The following OGT variants were observed in gnomAD, a reference collection of about 807,000 sequenced individuals.
The protein encoded by OGT is O-linked N-acetylglucosamine (GlcNAc) transferase.
In OGT, 3 loss-of-function variants were observed where a neutral mutation model predicts 75.8. The observed-to-expected ratio is 0.04, with a 90% CI of 0.02 to 0.10. The LOEUF (loss-of-function observed/expected upper bound fraction) is 0.10, where lower values mean the gene tolerates loss of function less well. Among genes scored for constraint, OGT ranks in the 10% least tolerant of loss-of-function variants. The pLI is 1.00. For synonymous variants in OGT, 257 were observed against 289.7 expected, an observed-to-expected ratio of 0.89 and a Z score of 1.15; for missense variants, 260 against 824.4, an observed-to-expected ratio of 0.32 and a Z score of 8.38.
chrX:71,570,706 G>A (rs2040452090), intron 21 of OGT, among the ~76,000 whole-genome samples: 1 of 108,295 alleles, frequency 9.2e-6, no homozygotes, highest in Admixed American at 1.0e-4. Flanking sequence ...CATCACATAC[G>A]TCTAAGAAAA....
chrX:71,567,824 G>C, intron 20 of OGT, 72 bp downstream of exon 20: 2 of 1,115,306 alleles, frequency 1.8e-6, no homozygotes, highest in Non-Finnish European at 1.2e-6. Flanking sequence ...GAAACTTCCA[G>C]GTGAAATTAT....
rs183333074 is a variant in OGT, at chrX:71,547,366, G to A, written c.532-541G>A. The stretch of plus-strand genomic sequence containing the variant: ...GAGTTCCATGGTCAACTAAGTTCAG[G>A]GAACCCTGTTACACTATTAAAGGCT... On this transcript the variant is annotated intron_variant, in intron 4 of 21. Transcript: ENST00000373719. 2.0e-3 allele frequency: 1,369 copies of A among 690,417 alleles called. 1 individual carries two copies. Among genetic ancestry groups the A allele is most frequent in the Non-Finnish European group, 2.2e-3 (1,254 of 582,311 alleles). 56.9% of individuals were successfully genotyped at this position (690,417 alleles called of 1,213,427 possible).
At chrX:71,559,853 G>A (rs2040369868) in intron 14 of OGT, among the ~76,000 whole-genome samples, 176 bp downstream of exon 14, 1 of 112,279 alleles carries the variant, frequency 8.9e-6, no homozygotes, top group African/African-American at 3.2e-5. Context: ...TTCCGAGGTT[G>A]CAAATGAAAC....
At chrX:71,537,541 G>A (rs1228307213) in intron 2 of OGT, among the ~76,000 whole-genome samples, 2 of 111,808 alleles carry the variant, frequency 1.8e-5, no homozygotes, top group Non-Finnish European at 3.8e-5. Flanking sequence ...GACCTCAGGT[G>A]ATCCTCCCGC....
At chrX:71,566,322 A>G (rs991452087) in intron 19 of OGT, among the ~76,000 whole-genome samples, 2 of 112,167 alleles carry the variant, frequency 1.8e-5, no homozygotes, top group Non-Finnish European at 3.8e-5. Context: ...GTCCGTTTTC[A>G]TGCTGCTATA....
intron 14 of OGT, among the ~76,000 whole-genome samples, chrX:71,560,439 T>G (rs1030855051): frequency 1.8e-5 from 2 of 110,920 alleles, no homozygotes; most frequent in African/African-American, 6.6e-5. Flanking sequence ...GGGAATTAAT[T>G]TGCTGAGTAT....
intron 5 of OGT, among the ~76,000 whole-genome samples, chrX:71,552,954 C>A (rs1258517659): frequency 1.8e-5 from 2 of 111,500 alleles, no homozygotes; most frequent in African/African-American, 6.5e-5. Context: ...TGTTCCTCTG[C>A]TTTTGTATAT....
chrX:71,547,051 C>A (rs1056715518), intron 4 of OGT: 1 of 753,459 alleles, frequency 1.3e-6, no homozygotes, highest in Non-Finnish European at 1.6e-6. Flanking sequence ...CAGTTCGCAG[C>A]GATTGCGCAG....
intron 4 of OGT, chrX:71,547,301 T>A: frequency 1.3e-6 from 1 of 743,827 alleles, no homozygotes; most frequent in Non-Finnish European, 1.6e-6. Flanking sequence ...TTTCCCAAAA[T>A]GTGTTTCATA....
chrX:71,564,688 A>G lies in OGT; in HGVS notation c.2524A>G (p.Ile842Val), dbSNP rs773129852. Residue 842 changes from isoleucine to valine, a missense_variant, in exon 19 of 22, where the codon ATC becomes GTC. Ile to Val is a conservative substitution (Grantham distance 29). This residue lies in a region of OGT where 79 missense variants were observed against 141.0 expected (regional missense o/e 0.56). Coordinates refer to ENST00000373719, the MANE Select transcript of OGT (RefSeq NM_181672.3). ...RSQYGLPEDA[I>V]VYCNFNQLYK... ...TCAGTACGGGTTACCAGAAGATGCCATCGTATACTGTAACTTTAATCAGTT... is the reference window on the plus strand; with the variant it reads ...TCAGTACGGGTTACCAGAAGATGCCGTCGTATACTGTAACTTTAATCAGTT... 1.7e-6 allele frequency: 2 copies of G among 1,203,529 alleles called. No individual in the cohort carries two copies. The highest frequency in any genetic ancestry group is 1.8e-5 in the South Asian group (1 of 56,595).
chrX:71,550,990 G>T (rs1175628431), intron 5 of OGT, among the ~76,000 whole-genome samples: 1 of 111,280 alleles, frequency 9.0e-6, no homozygotes, highest in East Asian at 2.8e-4. Context: ...ACTGCATGGT[G>T]ACCACAGTTG....
At chrX:71,554,271 C>T (rs1021074922) in intron 5 of OGT, among the ~76,000 whole-genome samples, 14 of 111,510 alleles carry the variant, frequency 1.3e-4, no homozygotes, top group African/African-American at 4.6e-4. Context: ...GGAGCAGGCC[C>T]AATATTTAAT....
At chrX:71,543,732 A>AGG (rs1479860250) in intron 3 of OGT, among the ~76,000 whole-genome samples, 3 of 80,191 alleles carry the variant, frequency 3.7e-5, no homozygotes, top group East Asian at 5.7e-4. Flanking sequence ...CAAATATTTG[A>AGG]GATGTGTGTG....
At chrX:71,547,809 C>CA in intron 4 of OGT, 98 bp from the exon 5 acceptor site, 5 of 589,946 alleles carry the variant, frequency 8.5e-6, no homozygotes, top group South Asian at 2.7e-5. Context: ...TCACCTTCTT[C>CA]CCCCCCTCCC....
Position 71,558,765 on chromosome X carries a change from C to CT in OGT, c.1603-476dup, listed in dbSNP as rs397895020. Among the ~76,000 whole-genome samples, 280 of 61,473 alleles carry CT rather than the reference C, an allele frequency of 4.6e-3. 15 individuals are homozygous for CT. Among genetic ancestry groups the CT allele is most frequent in the Middle Eastern group, 9.1e-3 (1 of 110 alleles). 53.4% of individuals were successfully genotyped at this position (61,473 alleles called of 115,157 possible). A position where few individuals can be genotyped will look rare whatever the true frequency, so the allele number is the denominator to read the frequency against. ...CCTACAAGTGTTAGATTTGCTCGTA[C>CT]TTTTTTTTTTTTTTTTTTTTTTTTT... On this transcript the variant is annotated intron_variant, in intron 12 of 21. Coordinates refer to ENST00000373719, the MANE Select transcript of OGT (RefSeq NM_181672.3).
chrX:71,533,456 T>C (rs767202962), intron 1 of OGT, 120 bp downstream of exon 1: 2 of 677,735 alleles, frequency 3.0e-6, no homozygotes, highest in Non-Finnish European at 4.6e-6. Flanking sequence ...GTGACATTGC[T>C]AAGCTTTTCG....
intron 5 of OGT, among the ~76,000 whole-genome samples, chrX:71,553,391 G>A (rs890391327): frequency 1.8e-5 from 2 of 112,519 alleles, no homozygotes; most frequent in African/African-American, 3.2e-5. Context: ...ACCGCGCCCA[G>A]CAGATGAAGT....
intron 21 of OGT, 36 bp from the exon 22 acceptor site, chrX:71,573,584 G>T: frequency 8.7e-7 from 1 of 1,149,024 alleles, no homozygotes; most frequent in South Asian, 2.1e-5. Context: ...TTTCTGCTCT[G>T]ATTTGTAAAC....
rs1168679851 is a variant in OGT at position 71,544,227 on chromosome X, C to T, written c.463-340C>T. On this transcript the variant is annotated intron_variant, in intron 3 of 21. Coordinates refer to ENST00000373719, the MANE Select transcript of OGT (RefSeq NM_181672.3). ...TTTTTAGGATATTAGAAAGATAATA[C>T]CATATATAAAACACCCAGAAAAGTC... 2.7e-5 allele frequency among the ~76,000 whole-genome samples: 3 copies of T among 111,916 alleles called. No individual in the cohort carries two copies. The South Asian group carries it at 1.1e-3, about 41-fold the overall frequency.
Sources: gnomAD v4.1 joint callset for allele counts (sites outside exome capture counted in the v4.1 genomes callset) on GRCh38, gnomAD v4.1.1 for gene constraint, gnomAD v4.1.1 regional missense constraint, MANE v1.5 for transcripts, NCBI Gene and HGNC (gene_info 2026-07-23, HGNC 2026-07-21) for gene names.